The following POU2F3 variants were observed in gnomAD, a reference collection of about 807,000 sequenced individuals.
POU2F3 encodes the protein POU domain, class 2, transcription factor 3.
Under a neutral mutation model 59.2 loss-of-function variants are expected in POU2F3, and 23 were observed. The observed-to-expected ratio is 0.39, with a 90% CI of 0.28 to 0.55. The LOEUF is 0.55. Among genes scored for constraint, POU2F3 ranks in the 20% least tolerant of loss-of-function variants. The pLI, the probability that POU2F3 is intolerant of heterozygous loss-of-function variation, is 0.66. For missense variants in POU2F3, 473 were observed against 544.5 expected (o/e 0.87, Z 1.31); for synonymous variants, 190 against 214.6 (o/e 0.89, Z 1.00).
At chr11:120,254,534 A>G (rs1939253330) in intron 2 of POU2F3, among the ~76,000 whole-genome samples, 1 of 152,056 alleles carries the variant, frequency 6.6e-6, no homozygotes, top group South Asian at 2.1e-4. Context: ...AGGATGACCC[A>G]CTCCTAGGAC....
At chr11:120,302,135 G>T in intron 5 of POU2F3, 151 bp from the exon 6 acceptor site, 1 of 631,988 alleles carries the variant, frequency 1.6e-6, no homozygotes, top group Non-Finnish European at 2.8e-6. Flanking sequence ...AGTGCTAGGA[G>T]GGCCTCTCCA....
chr11:120,257,872 C>T (rs926409299), intron 2 of POU2F3, among the ~76,000 whole-genome samples: 1 of 152,176 alleles, frequency 6.6e-6, no homozygotes, highest in Admixed American at 6.5e-5. Flanking sequence ...TTTTGGTGGC[C>T]AGCACATGGA....
chr11:120,236,665 A>C (rs1009428289), upstream of POU2F3: 1 of 1,500,080 alleles, frequency 6.7e-7, no homozygotes, highest in Non-Finnish European at 9.0e-7. Flanking sequence ...AGCTCAAAAA[A>C]CCGGTTTCAT....
chr11:120,291,471 T>G (rs1941017457), intron 3 of POU2F3, among the ~76,000 whole-genome samples: 3 of 152,248 alleles, frequency 2.0e-5, no homozygotes, highest in Admixed American at 2.0e-4. Context: ...CTATATTTCC[T>G]TCCAGTTCTG....
intron 3 of POU2F3, among the ~76,000 whole-genome samples, chr11:120,286,241 G>A (rs2135247872): frequency 6.6e-6 from 1 of 152,202 alleles, no homozygotes; most frequent in Admixed American, 6.5e-5. Context: ...TGGATATTAG[G>A]TTGCTTCCAA....
Position 120,318,902 on chromosome 11 carries a change from GT to G in POU2F3, c.*511del, listed in dbSNP as rs1252247355. On this transcript the variant is annotated 3_prime_UTR_variant, in exon 13 of 13. Coordinates refer to ENST00000543440, the MANE Select transcript of POU2F3 (RefSeq NM_014352.4). ...CCACCAAAGCCTTGATGTTTTCTCTGTACAGCTAAGTTTTCTGATGGAATCT... is the reference window on the plus strand; with the variant it reads ...CCACCAAAGCCTTGATGTTTTCTCTGACAGCTAAGTTTTCTGATGGAATCT... 5 of 152,804 alleles carry G rather than the reference GT, an allele frequency of 3.3e-5. No individual in the cohort carries two copies. Among genetic ancestry groups the G allele is most frequent in the African/African-American group, 1.2e-4 (5 of 41,452 alleles). The allele number at this position is 152,804 out of a possible 1,614,324, so 9.5% of individuals were successfully genotyped here. A position where few individuals can be genotyped will look rare whatever the true frequency, so the allele number is the denominator to read the frequency against.
intron 6 of POU2F3, 127 bp downstream of exon 6, chr11:120,302,495 C>A: frequency 1.2e-6 from 1 of 837,808 alleles, no homozygotes; most frequent in Non-Finnish European, 1.8e-6. Context: ...TAGCAGGGAA[C>A]TATCCATTGG....
Position 120,305,645 on chromosome 11 carries a change from G to C in POU2F3, c.629G>C (p.Gly210Ala), listed in dbSNP as rs1286795912. ...CTCCCCCTCGGTCCCCACGCTTAGG[G>C]AGATGTGGGGCTGGCGATGGGAAAG... Reference protein sequence around the residue: ...QRRIKLGFTQGDVGLAMGKLY... With the variant: ...QRRIKLGFTQADVGLAMGKLY... The change falls in exon 8 of 13, where the codon GGA becomes GCA. Residue 210 changes from glycine (G) to alanine (A), a missense_variant and splice_region_variant. By Grantham distance (60) the Gly-to-Ala change is moderately conservative (BLOSUM62 0). Coordinates refer to ENST00000543440, the MANE Select transcript of POU2F3 (RefSeq NM_014352.4). 1.2e-6 allele frequency: 2 copies of C among 1,613,786 alleles called. No homozygotes were observed. The highest frequency in any genetic ancestry group is 1.7e-6 in the Non-Finnish European group (2 of 1,180,006).
At chr11:120,299,348 C>T (rs908612195) in intron 4 of POU2F3, among the ~76,000 whole-genome samples, 1 of 152,172 alleles carries the variant, frequency 6.6e-6, no homozygotes, top group Non-Finnish European at 1.5e-5. Context: ...AGTTGGGAGA[C>T]AGGACTGACA....
At chr11:120,237,139 TCA>T (rs574028010), upstream of POU2F3, among the ~76,000 whole-genome samples, 51 of 152,290 alleles carry the variant, frequency 3.3e-4, 1 homozygote, top group African/African-American at 1.1e-3. Context: ...TCTCTGAACC[TCA>T]GTTTTCTCAT....
intron 1 of POU2F3, among the ~76,000 whole-genome samples, chr11:120,243,951 G>A (rs1938772311): frequency 6.6e-6 from 1 of 152,196 alleles, no homozygotes; most frequent in Non-Finnish European, 1.5e-5. Flanking sequence ...CTAAATGTCA[G>A]GCTAACTTGA....
intron 3 of POU2F3, among the ~76,000 whole-genome samples, chr11:120,284,159 A>AC (rs147568428): frequency 0.02 from 3,059 of 152,244 alleles, 102 homozygotes; most frequent in African/African-American, 0.068. Flanking sequence ...AGTCTGGGTG[A>AC]CAAGAGCAAG....
chr11:120,236,657 C>A (rs541267299), upstream of POU2F3: 4 of 1,491,446 alleles, frequency 2.7e-6, no homozygotes, highest in South Asian at 1.2e-5. Flanking sequence ...CAGCCCAGAG[C>A]TCAAAAAACC....
upstream of POU2F3, chr11:120,240,107 G>T: frequency 8.7e-7 from 1 of 1,150,952 alleles, no homozygotes; most frequent in Non-Finnish European, 1.1e-6. Context: ...CGTGGCCGGC[G>T]GCCCCCGCCC....
At chr11:120,292,192 G>A (rs1941047235) in intron 3 of POU2F3, among the ~76,000 whole-genome samples, 1 of 152,188 alleles carries the variant, frequency 6.6e-6, no homozygotes, top group South Asian at 2.1e-4. Flanking sequence ...GTGAAGTAAT[G>A]TAATATTAGG....
In POU2F3 at chr11:120,318,439, A is replaced by G. The variant is rs2135147807; in HGVS notation, c.*47A>G. 6.6e-7 allele frequency: 1 copy of G among 1,521,822 alleles called. No individual in the cohort carries two copies. The allele number at this position is 1,521,822 out of a possible 1,614,324, so 94.3% of individuals were successfully genotyped here. A position where few individuals can be genotyped will look rare whatever the true frequency, so the allele number is the denominator to read the frequency against. ...CCAGCTGGCCCTGTATTCCCCCTGG[A>G]AGGAAGGGAATCATGCCTTCTATAT... On this transcript the variant is annotated 3_prime_UTR_variant, in exon 13 of 13. Transcript: ENST00000543440.
In POU2F3 at chr11:120,263,181, G is replaced by A. The variant is rs534115146; in HGVS notation, c.98-6029G>A. On this transcript the variant is annotated intron_variant, in intron 2 of 12. Coordinates refer to ENST00000543440, the MANE Select transcript of POU2F3 (RefSeq NM_014352.4). ...TAATTTTTGTATTTTTAGTAGAGAC[G>A]TCGTTTCACCATGTTGATCAGGCTG... Among the ~76,000 whole-genome samples, 182 of 152,074 alleles carry A rather than the reference G, an allele frequency of 1.2e-3. 1 individual carries two copies. The highest frequency in any genetic ancestry group is 4.0e-3 in the African/African-American group (165 of 41,496).
intron 3 of POU2F3, among the ~76,000 whole-genome samples, chr11:120,273,446 T>C (rs893438766): frequency 6.6e-6 from 1 of 152,190 alleles, no homozygotes; most frequent in African/African-American, 2.4e-5. Flanking sequence ...TTGGCAGGAA[T>C]ATTCCAGGCC....
intron 6 of POU2F3, chr11:120,303,207 T>C (rs971370809): frequency 3.3e-5 from 4 of 120,910 alleles, no homozygotes; most frequent in Non-Finnish European, 6.7e-5. Flanking sequence ...AAGCTCGCCA[T>C]CTAGTGGTTG....
Sources: allele counts gnomAD v4.1 joint callset (sites outside exome capture counted in the v4.1 genomes callset), GRCh38; gene constraint gnomAD v4.1.1; transcripts MANE v1.5; gene names NCBI Gene and HGNC (gene_info 2026-07-23, HGNC 2026-07-21).